Variants in POU6F2 observed in about 807,000 individuals in gnomAD.
POU6F2 encodes POU domain, class 6, transcription factor 2.
A neutral mutation model predicts 71.3 loss-of-function variants in POU6F2; 31 were observed. The ratio of observed to expected loss-of-function variants is 0.43; its 90% confidence interval spans 0.33 to 0.59. The LOEUF (loss-of-function observed/expected upper bound fraction) is 0.59, where lower values mean the gene tolerates loss of function less well. POU6F2 is among the 20% of genes least tolerant of loss of function. The pLI, the probability that POU6F2 is intolerant of heterozygous loss-of-function variation, is 0.04. For missense variants in POU6F2, 783 were observed against 856.8 expected (o/e 0.91, Z 1.07); for synonymous variants, 347 against 355.7 (o/e 0.98, Z 0.27).
At chr7:39,323,290 T>A (rs886079820) in intron 4 of POU6F2, among the ~76,000 whole-genome samples, 1 of 152,200 alleles carries the variant, frequency 6.6e-6, no homozygotes, top group Non-Finnish European at 1.5e-5. Flanking sequence ...AGAGGACAGC[T>A]GCACTCAGCT....
intron 1 of POU6F2, among the ~76,000 whole-genome samples, chr7:39,027,083 G>C (rs1789824216): frequency 6.6e-6 from 1 of 152,050 alleles, no homozygotes; most frequent in South Asian, 2.1e-4. Flanking sequence ...CTTAGGATTA[G>C]TAAAAGACAT....
chr7:39,210,688 G>C (rs181869163), intron 4 of POU6F2, among the ~76,000 whole-genome samples: 1 of 152,076 alleles, frequency 6.6e-6, no homozygotes, highest in Non-Finnish European at 1.5e-5. Context: ...CAGACCAGCG[G>C]CATCAATGTC....
chr7:39,331,709 C>T (rs970266732), intron 4 of POU6F2, among the ~76,000 whole-genome samples: 8 of 152,174 alleles, frequency 5.3e-5, no homozygotes, highest in African/African-American at 1.9e-4. Flanking sequence ...CGGGGTTTCA[C>T]CACGTTGGCC....
intron 5 of POU6F2, among the ~76,000 whole-genome samples, chr7:39,388,717 A>G (rs1264018410): frequency 6.6e-6 from 1 of 152,194 alleles, no homozygotes; most frequent in African/African-American, 2.4e-5. Flanking sequence ...AAAAATCAAA[A>G]AGAGAGAGAA....
At chr7:39,159,142 C>G (rs1584574189) in intron 2 of POU6F2, among the ~76,000 whole-genome samples, 1 of 152,032 alleles carries the variant, frequency 6.6e-6, no homozygotes, top group African/African-American at 2.4e-5. Context: ...GGTGCCACTT[C>G]ACTCCAGCCT....
At chr7:39,084,872 A>C (rs1791203302) in intron 1 of POU6F2, among the ~76,000 whole-genome samples, 1 of 152,130 alleles carries the variant, frequency 6.6e-6, no homozygotes, top group African/African-American at 2.4e-5. Context: ...CAAAAAGGGC[A>C]CTTCTTGCTC....
intron 1 of POU6F2, among the ~76,000 whole-genome samples, chr7:39,015,349 TAG>T (rs202210635): frequency 0.01 from 1,397 of 133,182 alleles, 20 homozygotes; most frequent in Admixed American, 0.04. Flanking sequence ...TATATAATAA[TAG>T]ATATATATTA....
At chr7:39,145,081 C>T (rs1395562522) in intron 2 of POU6F2, among the ~76,000 whole-genome samples, 1 of 152,198 alleles carries the variant, frequency 6.6e-6, no homozygotes, top group East Asian at 1.9e-4. Flanking sequence ...GCACCTTCTT[C>T]AGATTTCTCT....
At chr7:39,230,492 A>G (rs905513807) in intron 4 of POU6F2, among the ~76,000 whole-genome samples, 5 of 150,664 alleles carry the variant, frequency 3.3e-5, no homozygotes, top group African/African-American at 1.2e-4. Context: ...TTAAAAAGAA[A>G]AAAAAAAAAA....
chr7:39,353,135 C>T (rs1225406942), intron 5 of POU6F2, among the ~76,000 whole-genome samples: 2 of 152,276 alleles, frequency 1.3e-5, no homozygotes, highest in Non-Finnish European at 2.9e-5. Context: ...CACAGCTGGA[C>T]CTTTGTCCAA....
chr7:39,446,114 T>G (rs1397304522), intron 7 of POU6F2, among the ~76,000 whole-genome samples: 2 of 152,200 alleles, frequency 1.3e-5, no homozygotes, highest in Non-Finnish European at 2.9e-5. Flanking sequence ...AGGTACACAT[T>G]ACTCAGAAAA....
chr7:39,066,115 G>A (rs79547253), intron 1 of POU6F2, among the ~76,000 whole-genome samples: 7,478 of 151,702 alleles, frequency 0.049, 227 homozygotes, highest in Non-Finnish European at 0.067. Context: ...TTTACTATTA[G>A]GAAACTTATC....
chr7:39,442,489 C>T (rs1025046110), intron 7 of POU6F2, among the ~76,000 whole-genome samples: 1 of 152,142 alleles, frequency 6.6e-6, no homozygotes, highest in African/African-American at 2.4e-5. Context: ...GCCTGGGGAG[C>T]CACCTCTTCT....
At chr7:39,068,292 G>A (rs926229139) in intron 1 of POU6F2, among the ~76,000 whole-genome samples, 2 of 151,928 alleles carry the variant, frequency 1.3e-5, no homozygotes, top group Non-Finnish European at 2.9e-5. Context: ...GCCCTGTCTC[G>A]CAACATCCCC....
chr7:39,301,767 ATTAAAAAGTCC>A (rs1254074354), intron 4 of POU6F2, among the ~76,000 whole-genome samples: 1 of 152,200 alleles, frequency 6.6e-6, no homozygotes, highest in Non-Finnish European at 1.5e-5. Flanking sequence ...ACACTGCCCC[ATTAAAAAGTCC>A]TCTAGACTTG....
chr7:39,401,523 C>G (rs1319298352), intron 5 of POU6F2, among the ~76,000 whole-genome samples: 1 of 152,120 alleles, frequency 6.6e-6, no homozygotes, highest in African/African-American at 2.4e-5. Context: ...AATTTCTTGA[C>G]TTTTTAAGAG....
chr7:39,328,227 T>C (rs1007454232), intron 4 of POU6F2, among the ~76,000 whole-genome samples: 7 of 152,298 alleles, frequency 4.6e-5, no homozygotes, highest in African/African-American at 1.7e-4. Context: ...CCGAATCGGG[T>C]TTCTTTAATG....
chr7:39,072,270 G>A (rs1447669317), intron 1 of POU6F2, among the ~76,000 whole-genome samples: 4 of 152,164 alleles, frequency 2.6e-5, no homozygotes, highest in Non-Finnish European at 4.4e-5. Context: ...AGCCGTGGAG[G>A]ATCAAGCTTT....
At chr7:39,026,044 A>T (rs1214304054) in intron 1 of POU6F2, among the ~76,000 whole-genome samples, 1 of 152,200 alleles carries the variant, frequency 6.6e-6, no homozygotes, top group African/African-American at 2.4e-5. Context: ...TCGAAACCAC[A>T]ATGAGATACC....
Sources: gnomAD v4.1 joint callset for allele counts (sites outside exome capture counted in the v4.1 genomes callset) on GRCh38, gnomAD v4.1.1 for gene constraint, MANE v1.5 for transcripts, NCBI Gene and HGNC (gene_info 2026-07-23, HGNC 2026-07-21) for gene names.